EXD1: variants seen among roughly 807,000 people sequenced by gnomAD.
EXD1 encodes exonuclease 3'-5' domain containing 1.
EXD1 carries 63 observed loss-of-function variants against 49.1 expected under a neutral mutation model. That is an observed-to-expected ratio of 1.28 (90% CI 1.05 to 1.58). The LOEUF (loss-of-function observed/expected upper bound fraction) is 1.58, where lower values mean the gene tolerates loss of function less well. Ranked by LOEUF, EXD1 falls within the 40% of genes most tolerant of loss-of-function variation. The pLI is 0.00. For synonymous variants in EXD1, 234 were observed against 239.2 expected, an observed-to-expected ratio of 0.98 and a Z score of 0.20; for missense variants, 748 against 666.0, an observed-to-expected ratio of 1.12 and a Z score of -1.36.
intron 11 of EXD1, among the ~76,000 whole-genome samples, chr15:41,188,002 C>T (rs1016491490): frequency 4.8e-4 from 46 of 96,724 alleles, no homozygotes; most frequent in African/African-American, 1.9e-3. Context: ...GCAACAAGAG[C>T]GAAACCCCGT....
chr15:41,206,529 G>GT (rs1273175513), intron 7 of EXD1, among the ~76,000 whole-genome samples: 17 of 146,878 alleles, frequency 1.2e-4, no homozygotes, highest in African/African-American at 4.0e-4. Context: ...ATTTCAATGT[G>GT]TTAAAAGTAG....
intron 9 of EXD1, among the ~76,000 whole-genome samples, chr15:41,194,536 T>C (rs1186498979): frequency 1.3e-5 from 2 of 152,200 alleles, no homozygotes; most frequent in African/African-American, 4.8e-5. Flanking sequence ...ACCTTGACTT[T>C]AGCCTAGTGA....
In EXD1 at chr15:41,196,028, T is replaced by C. The variant is rs754328058; in HGVS notation, c.544A>G (p.Asn182Asp). 3.1e-6 allele frequency: 5 copies of C among 1,612,226 alleles called. No homozygotes were observed. Residue 182 changes from asparagine to aspartate, a missense_variant, in exon 8 of 12, where the codon AAT (asparagine) becomes GAT (aspartate). Asn to Asp is a conservative substitution (Grantham distance 23, BLOSUM62 1). Transcript: ENST00000458580. Reference protein sequence around the residue: ...GKLCWLQVATNCRVYLFDIFL... With the variant: ...GKLCWLQVATDCRVYLFDIFL... ...ATGTCAAATAAGTAAACTCGGCAATTTGTGGCCACCTACAATAGACCATCC... is the reference window on the plus strand; with the variant it reads ...ATGTCAAATAAGTAAACTCGGCAATCTGTGGCCACCTACAATAGACCATCC...
At chr15:41,213,194 T>G (rs2046948372) in intron 6 of EXD1, among the ~76,000 whole-genome samples, 1 of 149,912 alleles carries the variant, frequency 6.7e-6, no homozygotes, top group African/African-American at 2.5e-5. Flanking sequence ...TTTATTTATT[T>G]ACTTGTTTTT....
In EXD1 at chr15:41,191,472, G is replaced by A. The variant is rs1209626987; in HGVS notation, c.834C>T (p.Ser278=). ...TTAGTTTTTGTCTCTTTTCTAGAAA[G>A]GAGAGATATTTAGGGGCTACTTGAA... ...KHLQVAPKYL[S]FLEKRQKLIQ... Residue 278 remains serine, a synonymous_variant, in exon 10 of 12, where the codon TCC becomes TCT. Transcript: ENST00000458580. 6.2e-7 allele frequency: 1 copy of A among 1,611,674 alleles called. No homozygotes were observed. Among genetic ancestry groups the A allele is most frequent in the South Asian group, 1.1e-5 (1 of 91,022 alleles).
chr15:41,221,304 C>T (rs1595458922), intron 2 of EXD1, among the ~76,000 whole-genome samples: 1 of 152,232 alleles, frequency 6.6e-6, no homozygotes, highest in East Asian at 1.9e-4. Context: ...TAGGGTCTTA[C>T]TCTGTTGCAC....
rs1360825370 is a variant in EXD1 at position 41,216,670 on chromosome 15, G to A, written c.386C>T (p.Ser129Leu). The A allele has an allele frequency of 6.2e-7, 1 of 1,610,056 alleles. No individual in the cohort carries two copies. The highest frequency in any genetic ancestry group is 1.7e-5 in the Admixed American group (1 of 58,896). ...SLLNDLKYSP[S>L]EEEEVTYTVI... ...AAATTCAGAGCCCCTATATTCACCT[G>A]ATGGGCTGTACTTGAGGTCATTCAG... is the stretch of plus-strand genomic sequence containing the variant. Residue 129 changes from serine (S) to leucine (L), a missense_variant and splice_region_variant, in exon 5 of 12, where the codon TCA (serine) becomes TTA (leucine). Physicochemically the swap from Ser to Leu is moderately radical, Grantham distance 145. Coordinates refer to ENST00000458580, the MANE Select transcript of EXD1 (RefSeq NM_001286441.2).
At chr15:41,191,420 A>G in intron 10 of EXD1, 22 bp downstream of exon 10, 11 of 1,475,022 alleles carry the variant, frequency 7.5e-6, no homozygotes, top group Non-Finnish European at 9.9e-6. Context: ...ATAATGTCAT[A>G]CAGGACATCC....
intron 9 of EXD1, 129 bp from the exon 10 acceptor site, chr15:41,191,714 C>T (rs751899316): frequency 3.8e-6 from 3 of 791,788 alleles, no homozygotes; most frequent in African/African-American, 1.8e-5. Flanking sequence ...ACCATGTCAT[C>T]GGAAAATTTA....
At chr15:41,218,136 G>C (rs1238923966) in intron 3 of EXD1, among the ~76,000 whole-genome samples, 1 of 152,126 alleles carries the variant, frequency 6.6e-6, no homozygotes, top group East Asian at 1.9e-4. Flanking sequence ...CCTGAGGTCA[G>C]GAGTTCGAGA....
chr15:41,222,849 T>TTG (rs1566995109), intron 2 of EXD1, among the ~76,000 whole-genome samples: 1 of 148,188 alleles, frequency 6.7e-6, no homozygotes, highest in Admixed American at 6.8e-5. Flanking sequence ...GGCAGGAGAA[T>TTG]TGCTTGAACT....
chr15:41,199,757 T>TATATGATATATC (rs770690755), intron 7 of EXD1, among the ~76,000 whole-genome samples: 1 of 87,240 alleles, frequency 1.1e-5, no homozygotes, highest in African/African-American at 4.3e-5. Context: ...TTATATATGA[T>TATATGATATATC]ACATATATGA....
intron 2 of EXD1, among the ~76,000 whole-genome samples, chr15:41,221,455 G>A (rs182965276): frequency 8.1e-4 from 122 of 150,624 alleles, no homozygotes; most frequent in African/African-American, 2.9e-3. Context: ...TTTTTTTTTG[G>A]TAGAGACTGG....
Position 41,221,396 on chromosome 15 carries a change from C to G in EXD1, c.134-1498G>C, listed in dbSNP as rs1286146289. Among the ~76,000 whole-genome samples the G allele has an allele frequency of 2.0e-5, 3 of 152,088 alleles. No homozygotes were observed. In the South Asian group the frequency reaches 6.2e-4, roughly 32 times the overall value. On this transcript the variant is annotated intron_variant, in intron 2 of 11. Transcript: ENST00000458580. ...AAGCAATCCTCCTGCCTTAGCCTTC[C>G]AAGTGGTTGGGACTGCAGGCTTGTG...
At position 41,219,866 on chromosome 15, in the gene EXD1, C is replaced by G; in HGVS notation, c.166G>C (p.Gly56Arg). 6.5e-7 allele frequency: 1 copy of G among 1,535,806 alleles called. No individual in the cohort carries two copies. The highest frequency in any genetic ancestry group is 8.7e-7 in the Non-Finnish European group (1 of 1,146,796). ...KNVETGRSVP[G>R]VKLFFGHEIV... ...TCATGCCCAAAAAACAACTTCACTC[C>G]TGGGACACTTCGACCTGTCTCCACA... Residue 56 changes from glycine to arginine, a missense_variant, in exon 3 of 12, where the codon GGA becomes CGA. Coordinates refer to ENST00000458580, the MANE Select transcript of EXD1 (RefSeq NM_001286441.2).
intron 11 of EXD1, among the ~76,000 whole-genome samples, chr15:41,186,404 G>A (rs555354729): frequency 2.8e-5 from 4 of 144,024 alleles, no homozygotes; most frequent in East Asian, 2.2e-4. Flanking sequence ...CTCAGGAGGT[G>A]GAGGTTGCAA....
Position 41,190,046 on chromosome 15 carries a change from G to T in EXD1, c.947C>A (p.Pro316His), listed in dbSNP as rs1197532293. 2 of 1,614,038 alleles carry T rather than the reference G, an allele frequency of 1.2e-6. No homozygotes were observed. Among genetic ancestry groups the T allele is most frequent in the Non-Finnish European group, 1.7e-6 (2 of 1,180,032 alleles). The change falls in exon 11 of 12, where the codon CCC (proline) becomes CAC (histidine). Residue 316 changes from proline to histidine, a missense_variant. Coordinates refer to ENST00000458580, the MANE Select transcript of EXD1 (RefSeq NM_001286441.2). ...CTCATCTAGGAGTGCCAAGCGAAGG[G>T]GTAACAGGTAGGTAGCTTCCAGGGC... ...ILALEATYLL[P>H]LRLALLDEMM...
At chr15:41,198,864 C>T (rs2046659959) in intron 7 of EXD1, among the ~76,000 whole-genome samples, 1 of 151,634 alleles carries the variant, frequency 6.6e-6, no homozygotes, top group Non-Finnish European at 1.5e-5. Flanking sequence ...TGCCACCACG[C>T]CCGGGTAATT....
intron 7 of EXD1, among the ~76,000 whole-genome samples, chr15:41,204,195 C>A (rs1209381794): frequency 6.7e-6 from 1 of 148,686 alleles, no homozygotes; most frequent in Non-Finnish European, 1.5e-5. Flanking sequence ...TTGCAGTGAG[C>A]CGAGATCATG....
Sources: allele counts gnomAD v4.1 joint callset (sites outside exome capture counted in the v4.1 genomes callset), GRCh38; gene constraint gnomAD v4.1.1; transcripts MANE v1.5; gene names NCBI Gene and HGNC (gene_info 2026-07-23, HGNC 2026-07-21).